Variants in PEBP4 observed in about 807,000 individuals in gnomAD.
PEBP4 encodes phosphatidylethanolamine-binding protein 4.
Under a neutral mutation model 23.9 loss-of-function variants are expected in PEBP4, and 22 were observed. The ratio of observed to expected loss-of-function variants is 0.92; its 90% CI spans 0.66 to 1.31. The LOEUF is 1.31. PEBP4 is among the 40% of genes most tolerant of loss of function. The pLI is 0.00. For synonymous variants in PEBP4, 112 were observed against 99.3 expected (o/e 1.13, Z -0.76); for missense variants, 324 against 281.7 (o/e 1.15, Z -1.07).
At chr8:22,789,151 A>G (rs1418319076) in intron 4 of PEBP4, among the ~76,000 whole-genome samples, 1 of 152,178 alleles carries the variant, frequency 6.6e-6, no homozygotes, top group Non-Finnish European at 1.5e-5. Flanking sequence ...CAAGAAGAGT[A>G]TTATCTAGAA....
intron 4 of PEBP4, among the ~76,000 whole-genome samples, chr8:22,813,685 C>A (rs191375150): frequency 1.3e-5 from 2 of 152,180 alleles, no homozygotes; most frequent in African/African-American, 2.4e-5. Flanking sequence ...ACACTGCAGT[C>A]GGGGAGAAAG....
At chr8:22,757,642 G>A (rs150077458) in intron 4 of PEBP4, 2 of 152,348 alleles carry the variant, frequency 1.3e-5, no homozygotes, top group East Asian at 1.9e-4. Flanking sequence ...TGCCCTCGGG[G>A]ACAGTTATTT....
intron 4 of PEBP4, among the ~76,000 whole-genome samples, chr8:22,728,657 G>C (rs1021105347): frequency 2.0e-5 from 3 of 146,460 alleles, no homozygotes; most frequent in South Asian, 2.1e-4. Context: ...GAGTGCAGTG[G>C]TACGATCTTA....
At position 22,898,575 on chromosome 8, in the gene PEBP4, C is replaced by T. The variant is rs1046771745; in HGVS notation, c.258+21609G>A. Among the ~76,000 whole-genome samples, 8 of 152,164 alleles carry T rather than the reference C, an allele frequency of 5.3e-5. No individual in the cohort carries two copies. The East Asian group carries it at 7.7e-4, about 15-fold the overall frequency. On this transcript the variant is annotated intron_variant, in intron 3 of 6. Transcript: ENST00000256404. ...TCAAAGTGCTCCAAGCTCTGGTTTG[C>T]GGTAAGTTTAGAAAGATAACCATAG...
chr8:22,892,405 C>A (rs1212295371), intron 3 of PEBP4, among the ~76,000 whole-genome samples: 1 of 152,180 alleles, frequency 6.6e-6, no homozygotes, highest in African/African-American at 2.4e-5. Flanking sequence ...AACAAAAACT[C>A]CATACTTACC....
Position 22,924,862 on chromosome 8 carries a change from C to T in PEBP4, c.131+2722G>A, listed in dbSNP as rs564158594. 32 of 985,280 alleles carry T rather than the reference C, an allele frequency of 3.2e-5. No individual in the cohort carries two copies. The East Asian group carries it at 3.4e-4, about 10-fold the overall frequency. The allele number at this position is 985,280 out of a possible 1,614,324, so 61.0% of individuals were successfully genotyped here. ...TCAGAAGCAGGGAAGGTCTGATTCC[C>T]GAGAAGCGTTACTCTTAACAATGTC... On this transcript the variant is annotated intron_variant, in intron 2 of 6. Coordinates refer to ENST00000256404, the MANE Select transcript of PEBP4 (RefSeq NM_144962.3).
intron 4 of PEBP4, among the ~76,000 whole-genome samples, chr8:22,749,425 C>A (rs896840018): frequency 2.0e-5 from 3 of 152,248 alleles, no homozygotes; most frequent in African/African-American, 4.8e-5. Context: ...CGGCCTCCAC[C>A]TACCCAGCTA....
chr8:22,727,108 G>T, intron 5 of PEBP4, 67 bp downstream of exon 5: 1 of 1,558,494 alleles, frequency 6.4e-7, no homozygotes, highest in Non-Finnish European at 8.8e-7. Flanking sequence ...AGCACCATGA[G>T]GTTTTGATTC....
At chr8:22,765,366 A>T (rs890342217) in intron 4 of PEBP4, among the ~76,000 whole-genome samples, 6 of 151,994 alleles carry the variant, frequency 3.9e-5, no homozygotes, top group African/African-American at 9.7e-5. Context: ...CTGGTCTCGA[A>T]CTCCTGACCT....
chr8:22,883,324 G>A (rs1279825178), intron 3 of PEBP4, among the ~76,000 whole-genome samples: 1 of 152,142 alleles, frequency 6.6e-6, no homozygotes, highest in African/African-American at 2.4e-5. Context: ...AGATCAGCCT[G>A]CATAGTGTTT....
At chr8:22,739,893 G>C (rs1804952606) in intron 4 of PEBP4, among the ~76,000 whole-genome samples, 1 of 152,134 alleles carries the variant, frequency 6.6e-6, no homozygotes, top group Non-Finnish European at 1.5e-5. Context: ...CACAAAGGCT[G>C]GGCTGGGGGG....
intron 4 of PEBP4, among the ~76,000 whole-genome samples, chr8:22,749,996 G>T (rs981400411): frequency 6.6e-6 from 1 of 151,716 alleles, no homozygotes; most frequent in Non-Finnish European, 1.5e-5. Flanking sequence ...AGTAAAGACG[G>T]GGTTTCTCCG....
At position 22,728,497 on chromosome 8, in the gene PEBP4, T is replaced by TTTCC. The variant is rs537737810; in HGVS notation, c.358-1281_358-1278dup. On this transcript the variant is annotated intron_variant, in intron 4 of 6. Coordinates refer to ENST00000256404, the MANE Select transcript of PEBP4 (RefSeq NM_144962.3). ...TCACCTGATACAGGTGAGATAGATC[T>TTTCC]TTCCTTCCTTCCTTCATTCCTTGCT... Among the ~76,000 whole-genome samples, 243 of 152,080 alleles carry TTTCC rather than the reference T, an allele frequency of 1.6e-3. 1 individual carries two copies. The highest frequency in any genetic ancestry group is 5.5e-3 in the African/African-American group (228 of 41,446).
intron 4 of PEBP4, among the ~76,000 whole-genome samples, chr8:22,760,196 A>G (rs1805478632): frequency 6.6e-6 from 1 of 152,184 alleles, no homozygotes; most frequent in Non-Finnish European, 1.5e-5. Flanking sequence ...CCCATTTTAT[A>G]GACAGGGAAC....
intron 3 of PEBP4, among the ~76,000 whole-genome samples, chr8:22,872,123 C>G (rs1415602337): frequency 2.0e-5 from 3 of 152,206 alleles, no homozygotes; most frequent in Admixed American, 2.0e-4. Context: ...CTTTTCATGG[C>G]TGGGTAGTAT....
intron 4 of PEBP4, among the ~76,000 whole-genome samples, chr8:22,740,549 G>A (rs1355334482): frequency 6.6e-6 from 1 of 152,140 alleles, no homozygotes; most frequent in Non-Finnish European, 1.5e-5. Context: ...CCTGCTCTCC[G>A]AACCTTCCTG....
chr8:22,873,970 C>T (rs960181275), intron 3 of PEBP4, among the ~76,000 whole-genome samples: 2 of 152,128 alleles, frequency 1.3e-5, no homozygotes, highest in East Asian at 1.9e-4. Flanking sequence ...TTGTCCCTAG[C>T]TCTAGGGGCA....
chr8:22,920,910 G>A (rs533070993), intron 2 of PEBP4, among the ~76,000 whole-genome samples: 1 of 152,206 alleles, frequency 6.6e-6, no homozygotes, highest in Non-Finnish European at 1.5e-5. Context: ...CATCCCTCAG[G>A]GGGTAAAACA....
intron 4 of PEBP4, among the ~76,000 whole-genome samples, chr8:22,745,047 A>C (rs1364797459): frequency 6.6e-6 from 1 of 152,190 alleles, no homozygotes; most frequent in Non-Finnish European, 1.5e-5. Flanking sequence ...ACCTCAGAAC[A>C]AAGAGGGGCT....
Sources: gnomAD v4.1 joint callset for allele counts (sites outside exome capture counted in the v4.1 genomes callset) on GRCh38, gnomAD v4.1.1 for gene constraint, MANE v1.5 for transcripts, NCBI Gene and HGNC (gene_info 2026-07-23, HGNC 2026-07-21) for gene names.